The following PREX2 variants were observed in gnomAD, a reference collection of about 807,000 sequenced individuals.
The protein encoded by PREX2 is phosphatidylinositol-3,4,5-trisphosphate dependent Rac exchange factor 2.
PREX2 carries 107 observed loss-of-function variants against 203.2 expected under a neutral mutation model. The observed-to-expected ratio is 0.53, with a 90% CI of 0.45 to 0.62. PREX2 has a LOEUF of 0.62. Among genes scored for constraint, PREX2 ranks in the 20% least tolerant of loss-of-function variants. The pLI, the probability that PREX2 is intolerant of heterozygous loss-of-function variation, is 0.00. For missense variants in PREX2, 1,777 were observed against 1,955.9 expected, an observed-to-expected ratio of 0.91 and a Z score of 1.72; for synonymous variants, 672 against 663.6, an observed-to-expected ratio of 1.01 and a Z score of -0.19.
chr8:68,025,930 G>T (rs1489204484), intron 4 of PREX2, among the ~76,000 whole-genome samples: 1 of 152,134 alleles, frequency 6.6e-6, no homozygotes, highest in Non-Finnish European at 1.5e-5. Flanking sequence ...GGACACTTCA[G>T]TCCAGAGGTA....
intron 1 of PREX2, among the ~76,000 whole-genome samples, chr8:68,011,712 TCTA>T (rs1305946883): frequency 6.6e-6 from 1 of 152,164 alleles, no homozygotes; most frequent in Non-Finnish European, 1.5e-5. Context: ...AAAACCTACC[TCTA>T]CTGTTTTTGA....
intron 35 of PREX2, among the ~76,000 whole-genome samples, chr8:68,171,980 T>C (rs1335215827): frequency 6.6e-6 from 1 of 152,216 alleles, no homozygotes; most frequent in Non-Finnish European, 1.5e-5. Flanking sequence ...TTATCTCCTC[T>C]ATAGCAGTTT....
At chr8:68,062,133 C>T (rs1306841347) in intron 11 of PREX2, among the ~76,000 whole-genome samples, 2 of 152,120 alleles carry the variant, frequency 1.3e-5, no homozygotes, top group Non-Finnish European at 2.9e-5. Flanking sequence ...ATTCCTTTCT[C>T]TCCCTCATGC....
At chr8:68,115,299 A>G (rs915199980) in intron 25 of PREX2, among the ~76,000 whole-genome samples, 1 of 152,060 alleles carries the variant, frequency 6.6e-6, no homozygotes, top group African/African-American at 2.4e-5. Flanking sequence ...AAGTGCTGGG[A>G]TTACAGGCAT....
intron 14 of PREX2, among the ~76,000 whole-genome samples, chr8:68,074,497 G>A (rs185304346): frequency 1.2e-3 from 183 of 152,128 alleles, no homozygotes; most frequent in African/African-American, 4.2e-3. Context: ...TTCTATCACC[G>A]AAACTTTATG....
In PREX2 at chr8:67,952,084, G is replaced by A. The variant is rs1042168783; in HGVS notation, c.-311G>A. ...TGTCCAAGTCACTGCTGTGGCTGCC[G>A]AAGCCGCTTCCCCTCCAGCCCCGGC... is the stretch of plus-strand genomic sequence containing the variant. On this transcript the variant is annotated 5_prime_UTR_variant, in exon 1 of 40. Coordinates refer to ENST00000288368, the MANE Select transcript of PREX2 (RefSeq NM_024870.4). 1 of 279,848 alleles carries A rather than the reference G, an allele frequency of 3.6e-6. No individual in the cohort carries two copies. Among genetic ancestry groups the A allele is most frequent in the Admixed American group, 5.4e-5 (1 of 18,600 alleles). The allele number at this position is 279,848 out of a possible 1,614,324, so 17.3% of individuals were successfully genotyped here.
Position 68,138,275 on chromosome 8 carries a change from G to A in PREX2, c.3985-140G>A, listed in dbSNP as rs1811151725. 8 of 407,410 alleles carry A rather than the reference G, an allele frequency of 2.0e-5. No homozygotes were observed. The East Asian group carries it at 2.9e-4, about 15-fold the overall frequency. 25.2% of individuals were successfully genotyped at this position (407,410 alleles called of 1,614,324 possible). On this transcript the variant is annotated intron_variant, in intron 32 of 39. Coordinates refer to ENST00000288368, the MANE Select transcript of PREX2 (RefSeq NM_024870.4). Reference sequence around the variant, plus strand: ...TCATTTTGGGCAGTAAATTATTACAGAAGTCTTTATAATTTTGTTTTGTAC... The same window carrying A: ...TCATTTTGGGCAGTAAATTATTACAAAAGTCTTTATAATTTTGTTTTGTAC...
intron 28 of PREX2, 76 bp from the exon 29 acceptor site, chr8:68,120,115 ATATTT>A (rs1810739279): frequency 1.1e-6 from 1 of 926,958 alleles, no homozygotes. Flanking sequence ...TTAAGAAAAA[ATATTT>A]TATAAGATTT....
chr8:67,955,047 G>A (rs1805458899), intron 1 of PREX2, among the ~76,000 whole-genome samples: 1 of 150,940 alleles, frequency 6.6e-6, no homozygotes. Context: ...AGGAGGCTGA[G>A]GCAGGAGAAT....
At chr8:68,218,548 T>G (rs1812890086) in intron 38 of PREX2, among the ~76,000 whole-genome samples, 1 of 152,250 alleles carries the variant, frequency 6.6e-6, no homozygotes, top group Admixed American at 6.5e-5. Context: ...TGACTTGGTT[T>G]GAGTTGCCCA....
intron 30 of PREX2, among the ~76,000 whole-genome samples, chr8:68,125,381 G>T (rs1001619387): frequency 1.3e-5 from 2 of 152,046 alleles, no homozygotes; most frequent in African/African-American, 4.8e-5. Flanking sequence ...CCTAGTCTCC[G>T]ATTTCAAAAT....
chr8:68,120,676 AG>A (rs1399074867), intron 29 of PREX2, among the ~76,000 whole-genome samples: 7 of 152,272 alleles, frequency 4.6e-5, no homozygotes, highest in Non-Finnish European at 8.8e-5. Context: ...CACTCTGACA[AG>A]TAACTAGTTT....
intron 35 of PREX2, among the ~76,000 whole-genome samples, chr8:68,172,428 G>C (rs1458346237): frequency 2.0e-5 from 3 of 152,182 alleles, no homozygotes; most frequent in African/African-American, 7.2e-5. Context: ...CCTCACAAGA[G>C]TTAAATTGCT....
intron 33 of PREX2, among the ~76,000 whole-genome samples, chr8:68,140,314 A>G (rs1464154032): frequency 6.6e-6 from 1 of 152,258 alleles, no homozygotes; most frequent in Non-Finnish European, 1.5e-5. Context: ...ACTTCTGAAA[A>G]TAGTTCTCTA....
chr8:67,965,349 C>T (rs1055961655), intron 1 of PREX2, among the ~76,000 whole-genome samples: 3 of 152,118 alleles, frequency 2.0e-5, no homozygotes, highest in African/African-American at 4.8e-5. Context: ...TGTGTATTTA[C>T]AGTGCTTCCT....
At chr8:68,009,038 T>G (rs1044192955) in intron 1 of PREX2, among the ~76,000 whole-genome samples, 3 of 152,202 alleles carry the variant, frequency 2.0e-5, no homozygotes, top group Non-Finnish European at 4.4e-5. Flanking sequence ...TTATAAATCT[T>G]TCTTTTATAC....
chr8:68,201,093 T>C (rs1234024952), intron 37 of PREX2, among the ~76,000 whole-genome samples: 1 of 152,216 alleles, frequency 6.6e-6, no homozygotes, highest in Non-Finnish European at 1.5e-5. Context: ...TATTGTCTTT[T>C]CTAAGTCTAC....
intron 27 of PREX2, chr8:68,118,947 A>G (rs1723742869): frequency 1.9e-6 from 1 of 538,788 alleles, no homozygotes; most frequent in South Asian, 1.5e-5. Context: ...TACTGGAAGT[A>G]TTAGGCATGG....
chr8:68,115,737 T>C lies in PREX2; in HGVS notation c.3147-16T>C. ...CAGTTTGAAAATGTGCATTTTTTTTTAATATTACATTGCAGCCTTCTGTCT... is the reference window on the plus strand; with the variant it reads ...CAGTTTGAAAATGTGCATTTTTTTTCAATATTACATTGCAGCCTTCTGTCT... On this transcript the variant is annotated splice_polypyrimidine_tract_variant and intron_variant, in intron 25 of 39. Transcript: ENST00000288368. 6.3e-7 allele frequency: 1 copy of C among 1,580,444 alleles called. No individual in the cohort carries two copies. The highest frequency in any genetic ancestry group is 1.7e-4 in the Middle Eastern group (1 of 5,918).
Sources: gnomAD v4.1 joint callset for allele counts (sites outside exome capture counted in the v4.1 genomes callset) on GRCh38, gnomAD v4.1.1 for gene constraint, MANE v1.5 for transcripts, NCBI Gene and HGNC (gene_info 2026-07-23, HGNC 2026-07-21) for gene names.